Variants in MYT1L observed in about 807,000 individuals in gnomAD.
MYT1L encodes the protein myelin transcription factor 1-like protein.
A neutral mutation model predicts 126.7 loss-of-function variants in MYT1L; 12 were observed. The ratio of observed to expected loss-of-function variants is 0.09; its 90% CI spans 0.06 to 0.15. The LOEUF is 0.15. Ranked by LOEUF, MYT1L falls within the 10% of genes least tolerant of loss-of-function variation. MYT1L has a pLI of 1.00. For missense variants in MYT1L, 979 were observed against 1,585.2 expected (o/e 0.62, Z 6.49); for synonymous variants, 541 against 604.2 (o/e 0.90, Z 1.53).
chr2:2,048,639 T>A (rs1375381162), intron 4 of MYT1L, among the ~76,000 whole-genome samples: 1 of 152,154 alleles, frequency 6.6e-6, no homozygotes, highest in African/African-American at 2.4e-5. Flanking sequence ...CTGCCTCCCA[T>A]CCTCCTAGGT....
intron 15 of MYT1L, among the ~76,000 whole-genome samples, chr2:1,890,353 G>A (rs938257302): frequency 6.6e-6 from 1 of 152,122 alleles, no homozygotes; most frequent in Non-Finnish European, 1.5e-5. Context: ...GATTACAGGT[G>A]TGAGCCACTG....
In MYT1L at chr2:1,974,039, G is replaced by C. The variant is rs116736833; in HGVS notation, c.152+5126C>G. ...TTCCATCTATCCACAAAACAATAGC[G>C]GACGGTACACCGGGACAGCTTCTGT... is the stretch of plus-strand genomic sequence containing the variant. On this transcript the variant is annotated intron_variant, in intron 8 of 24. Coordinates refer to ENST00000647738, the MANE Select transcript of MYT1L (RefSeq NM_001303052.2). Among the ~76,000 whole-genome samples, 348 of 152,320 alleles carry C rather than the reference G, an allele frequency of 2.3e-3. 1 individual carries two copies. Among genetic ancestry groups the C allele is most frequent in the African/African-American group, 7.9e-3 (329 of 41,558 alleles).
rs777709976 is a variant in MYT1L, at chr2:1,851,508, G to A, written c.2774+133C>T. ...AATGAGGACGTCACTGCTTTATGGC[G>A]CTAAGAGTCTCTAGATCCTTAATTT... On this transcript the variant is annotated intron_variant, in intron 19 of 24. Coordinates refer to ENST00000647738, the MANE Select transcript of MYT1L (RefSeq NM_001303052.2). 40 of 815,910 alleles carry A rather than the reference G, an allele frequency of 4.9e-5. No individual in the cohort carries two copies. The African/African-American group carries it at 5.5e-4, about 11-fold the overall frequency. The allele number at this position is 815,910 out of a possible 1,614,324, so 50.5% of individuals were successfully genotyped here.
In MYT1L at chr2:1,868,890, T is replaced by G. The variant is rs112546876; in HGVS notation, c.2712-17187A>C. Among the ~76,000 whole-genome samples, 626 of 152,292 alleles carry G rather than the reference T, an allele frequency of 4.1e-3. 4 individuals are homozygous for G. The highest frequency in any genetic ancestry group is 7.5e-3 in the Non-Finnish European group (513 of 68,010). On this transcript the variant is annotated intron_variant, in intron 18 of 24. Coordinates refer to ENST00000647738, the MANE Select transcript of MYT1L (RefSeq NM_001303052.2). ...GAGGGAGGGGAGATGCCCTCAGGTG[T>G]GGTGGCCATGGGAGTGGGCTCCCGG... is the stretch of plus-strand genomic sequence containing the variant.
intron 2 of MYT1L, among the ~76,000 whole-genome samples, chr2:2,243,300 T>G (rs923249055): frequency 4.6e-5 from 7 of 152,248 alleles, no homozygotes; most frequent in Non-Finnish European, 1.5e-5. Flanking sequence ...TTCAAAGATA[T>G]TCTTGGTGAA....
At chr2:2,239,211 A>G (rs899842177) in intron 2 of MYT1L, among the ~76,000 whole-genome samples, 2 of 152,244 alleles carry the variant, frequency 1.3e-5, no homozygotes, top group Non-Finnish European at 2.9e-5. Context: ...ACCATAACAT[A>G]ACATAGAATG....
chr2:2,030,872 T>C (rs1004468602), intron 4 of MYT1L, among the ~76,000 whole-genome samples: 2 of 152,224 alleles, frequency 1.3e-5, no homozygotes, highest in Non-Finnish European at 2.9e-5. Context: ...GGTGCTCATA[T>C]ATACTCAGTC....
chr2:2,152,109 G>C (rs1446321475), intron 3 of MYT1L, among the ~76,000 whole-genome samples: 1 of 152,184 alleles, frequency 6.6e-6, no homozygotes. Flanking sequence ...ATAATAACAT[G>C]CTAGCATCAC....
intron 4 of MYT1L, among the ~76,000 whole-genome samples, chr2:2,017,253 C>G (rs571966873): frequency 6.6e-6 from 1 of 152,372 alleles, no homozygotes; most frequent in East Asian, 1.9e-4. Flanking sequence ...AACCTCCTTC[C>G]TTTGTAGCAT....
At chr2:1,870,296 C>G (rs1207120166) in intron 18 of MYT1L, among the ~76,000 whole-genome samples, 1 of 152,206 alleles carries the variant, frequency 6.6e-6, no homozygotes, top group Non-Finnish European at 1.5e-5. Context: ...CAGTCCAGGA[C>G]TTCTAGCCTG....
intron 14 of MYT1L, among the ~76,000 whole-genome samples, chr2:1,900,791 T>C (rs2050241836): frequency 6.6e-6 from 1 of 152,120 alleles, no homozygotes; most frequent in Admixed American, 6.6e-5. Context: ...TGCTCTGTTT[T>C]CCTGAAGCCC....
chr2:1,890,663 T>C (rs1049976424), intron 15 of MYT1L, among the ~76,000 whole-genome samples: 1 of 151,940 alleles, frequency 6.6e-6, no homozygotes, highest in Non-Finnish European at 1.5e-5. Context: ...AAAATCAGAA[T>C]ACCCCTAACA....
chr2:2,129,081 C>G (rs1432376662), intron 3 of MYT1L, among the ~76,000 whole-genome samples: 1 of 152,164 alleles, frequency 6.6e-6, no homozygotes, highest in Non-Finnish European at 1.5e-5. Context: ...CACATTGACA[C>G]AGAAATGGTA....
chr2:1,992,859 AC>A (rs1451098216), intron 5 of MYT1L, among the ~76,000 whole-genome samples: 1 of 151,918 alleles, frequency 6.6e-6, no homozygotes, highest in Non-Finnish European at 1.5e-5. Flanking sequence ...CAAGATTCTG[AC>A]CCTCCCTAAG....
At chr2:2,295,495 T>G (rs2149485848) in intron 1 of MYT1L, among the ~76,000 whole-genome samples, 2 of 148,152 alleles carry the variant, frequency 1.3e-5, no homozygotes, top group African/African-American at 2.5e-5. Flanking sequence ...AAAGGGAATG[T>G]GGAGAGTGTG....
Position 2,129,069 on chromosome 2 carries a change from G to A in MYT1L, c.-304+43803C>T, listed in dbSNP as rs568853597. On this transcript the variant is annotated intron_variant, in intron 3 of 24. Coordinates refer to ENST00000647738, the MANE Select transcript of MYT1L (RefSeq NM_001303052.2). ...ATGGCTTTTCTTTCTATTATCAGTC[G>A]CCACATTGACACAGAAATGGTAAAG... Among the ~76,000 whole-genome samples, 109 of 152,210 alleles carry A rather than the reference G, an allele frequency of 7.2e-4. 1 individual carries two copies. The highest frequency in any genetic ancestry group is 1.0e-3 in the South Asian group (5 of 4,820).
chr2:2,180,407 G>C (rs1280016411), intron 2 of MYT1L, among the ~76,000 whole-genome samples: 2 of 151,900 alleles, frequency 1.3e-5, no homozygotes, highest in Admixed American at 6.6e-5. Flanking sequence ...GAAGACGAGA[G>C]AGCAAGTGAT....
rs562244105 is a variant in MYT1L at position 2,276,122 on chromosome 2, C to T, written c.-421+8282G>A. Among the ~76,000 whole-genome samples the T allele has an allele frequency of 7.2e-5, 11 of 152,278 alleles. No homozygotes were observed. The South Asian group carries it at 2.1e-3, about 29-fold the overall frequency. On this transcript the variant is annotated intron_variant, in intron 2 of 24. Transcript: ENST00000647738. Reference sequence around the variant, plus strand: ...TACAGTGGTGTATGGGTAATAGGTCCTCAGGGACCCTGTGAAGTCAAACAA... The same window carrying T: ...TACAGTGGTGTATGGGTAATAGGTCTTCAGGGACCCTGTGAAGTCAAACAA...
chr2:2,233,316 G>A (rs191271282), intron 2 of MYT1L, among the ~76,000 whole-genome samples: 118 of 152,280 alleles, frequency 7.7e-4, no homozygotes, highest in African/African-American at 2.7e-3. Context: ...ACGGGGCGCC[G>A]GGATGTCAGG....
Sources: allele counts gnomAD v4.1 joint callset (sites outside exome capture counted in the v4.1 genomes callset), GRCh38; gene constraint gnomAD v4.1.1; transcripts MANE v1.5; gene names NCBI Gene and HGNC (gene_info 2026-07-23, HGNC 2026-07-21).